Variants in SLC71A2 observed in about 807,000 individuals in gnomAD.
SLC71A2 encodes the protein solute carrier family 71 member 2.
chr9:94,408,817 TG>T, the SLC71A2 span, among the ~76,000 whole-genome samples: 10 of 88,916 alleles, frequency 1.1e-4, no homozygotes, highest in African/African-American at 5.3e-4. Context: ...TTCCTTTTTC[TG>T]TTTTTTTTGT....
At chr9:94,449,627 T>G in the SLC71A2 span, among the ~76,000 whole-genome samples, 1 of 152,198 alleles carries the variant, frequency 6.6e-6, no homozygotes, top group Non-Finnish European at 1.5e-5. Context: ...CTGGTGAGAA[T>G]GTAAAATGGT....
the SLC71A2 span, among the ~76,000 whole-genome samples, chr9:94,392,692 G>A: frequency 6.6e-6 from 1 of 152,180 alleles, no homozygotes; most frequent in Non-Finnish European, 1.5e-5. Context: ...GTAGAGACGG[G>A]GTTTCACCAT....
At chr9:94,425,091 G>C in the SLC71A2 span, among the ~76,000 whole-genome samples, 103,398 of 149,988 alleles carry the variant, frequency 0.69, 36,038 homozygotes, top group Middle Eastern at 0.76. Context: ...TGGTATTTGT[G>C]TAATGACATC....
chr9:94,430,390 T>C, the SLC71A2 span, among the ~76,000 whole-genome samples: 1 of 151,998 alleles, frequency 6.6e-6, no homozygotes, highest in East Asian at 1.9e-4. Flanking sequence ...GCTCAGCTAA[T>C]TTTTGTAATT....
chr9:94,382,607 T>G, the SLC71A2 span, among the ~76,000 whole-genome samples: 1 of 151,996 alleles, frequency 6.6e-6, no homozygotes. Flanking sequence ...AGGGTTTTGG[T>G]TTCATATTTA....
chr9:94,458,566 A>G, the SLC71A2 span: 10 of 1,162,440 alleles, frequency 8.6e-6, no homozygotes, highest in East Asian at 2.4e-5. Context: ...GTATGTTACT[A>G]TATTTTATTT....
the SLC71A2 span, among the ~76,000 whole-genome samples, chr9:94,425,555 A>C: frequency 6.6e-6 from 1 of 152,170 alleles, no homozygotes; most frequent in Non-Finnish European, 1.5e-5. Flanking sequence ...AGTTGGGGCC[A>C]CAAGATCAGA....
At chr9:94,411,124 G>C in the SLC71A2 span, among the ~76,000 whole-genome samples, 1 of 151,080 alleles carries the variant, frequency 6.6e-6, no homozygotes. Flanking sequence ...GAGACTGTAA[G>C]TTGTTCTTTT....
chr9:94,426,782 C>T, the SLC71A2 span, among the ~76,000 whole-genome samples: 1 of 151,928 alleles, frequency 6.6e-6, no homozygotes, highest in Non-Finnish European at 1.5e-5. Context: ...TTACTGTAGT[C>T]CTTCTCAAGA....
chr9:94,439,811 C>T, the SLC71A2 span, among the ~76,000 whole-genome samples: 1 of 151,578 alleles, frequency 6.6e-6, no homozygotes, highest in East Asian at 1.9e-4. Context: ...AAATTTTATC[C>T]TTTTTGTTCT....
chr9:94,409,405 A>G, the SLC71A2 span, among the ~76,000 whole-genome samples: 13 of 148,768 alleles, frequency 8.7e-5, no homozygotes, highest in East Asian at 2.0e-4. Flanking sequence ...TGTTCTGCCC[A>G]CCTTGACCCC....
the SLC71A2 span, among the ~76,000 whole-genome samples, chr9:94,425,229 G>T: frequency 2.6e-5 from 4 of 152,146 alleles, no homozygotes; most frequent in African/African-American, 7.2e-5. Flanking sequence ...GCTTGAACCC[G>T]GGAGGTGGAG....
the SLC71A2 span, among the ~76,000 whole-genome samples, chr9:94,446,452 A>G: frequency 2.6e-5 from 4 of 152,218 alleles, no homozygotes; most frequent in Non-Finnish European, 5.9e-5. Context: ...TATGGCTTTA[A>G]AGAAGTTACA....
the SLC71A2 span, among the ~76,000 whole-genome samples, chr9:94,385,458 A>G: frequency 6.6e-6 from 1 of 152,182 alleles, no homozygotes; most frequent in South Asian, 2.1e-4. Context: ...CGTCATATAT[A>G]AGAATCTATT....
At chr9:94,419,431 T>C in the SLC71A2 span, among the ~76,000 whole-genome samples, 1 of 151,918 alleles carries the variant, frequency 6.6e-6, no homozygotes, top group Non-Finnish European at 1.5e-5. Context: ...GTAGCTGGGA[T>C]TATAGGTGCC....
At chr9:94,422,877 T>C in the SLC71A2 span, among the ~76,000 whole-genome samples, 1 of 152,146 alleles carries the variant, frequency 6.6e-6, no homozygotes, top group Non-Finnish European at 1.5e-5. Flanking sequence ...TTTGTCTCTA[T>C]ACGCACACAT....
At chr9:94,450,507 T>TTTTTTTTTTTTTTTTTA in the SLC71A2 span, among the ~76,000 whole-genome samples, 1 of 137,220 alleles carries the variant, frequency 7.3e-6, no homozygotes, top group South Asian at 2.2e-4. Context: ...TTTTTTTTTT[T>TTTTTTTTTTTTTTTTTA]GAGATGGAGT....
chr9:94,440,092 TAA>T, the SLC71A2 span, among the ~76,000 whole-genome samples: 2 of 152,322 alleles, frequency 1.3e-5, no homozygotes, highest in South Asian at 2.1e-4. Context: ...TAAAAAACAT[TAA>T]GAGTACATGT....
chr9:94,451,533 T>G, the SLC71A2 span: 1 of 1,465,352 alleles, frequency 6.8e-7, no homozygotes, highest in South Asian at 1.3e-5. Flanking sequence ...CTCAGGTGAG[T>G]ATCATTTTAT....
Sources: gnomAD v4.1 joint callset for allele counts (sites outside exome capture counted in the v4.1 genomes callset) on GRCh38, gnomAD v4.1.1 for gene constraint, MANE v1.5 for transcripts, NCBI Gene and HGNC (gene_info 2026-07-23, HGNC 2026-07-21) for gene names.